The following ENPP6 variants were observed in gnomAD, a reference collection of about 807,000 sequenced individuals.
The protein encoded by ENPP6 is glycerophosphocholine cholinephosphodiesterase ENPP6.
Under a neutral mutation model 42.0 loss-of-function variants are expected in ENPP6, and 32 were observed. The ratio of observed to expected loss-of-function variants is 0.76; its 90% CI spans 0.58 to 1.02. The LOEUF is 1.02. Ranked by LOEUF, ENPP6 falls within the 50% of genes least tolerant of loss-of-function variation. ENPP6 has a pLI of 0.00. For missense variants in ENPP6, 552 were observed against 566.8 expected (o/e 0.97, Z 0.27); for synonymous variants, 213 against 216.0 (o/e 0.99, Z 0.12).
In ENPP6 at chr4:184,195,848, C is replaced by G. The variant is rs1165929061; in HGVS notation, c.241+21731G>C. ...TGTACACACAGAGTAATTTATTAAT[C>G]TTCCCCTAGGTTTAGCTTAGACTCT... is the stretch of plus-strand genomic sequence containing the variant. On this transcript the variant is annotated intron_variant, in intron 1 of 7. Transcript: ENST00000296741. Among the ~76,000 whole-genome samples, 3 of 152,236 alleles carry G rather than the reference C, an allele frequency of 2.0e-5. No individual in the cohort carries two copies. In the East Asian group the frequency reaches 5.8e-4, roughly 29 times the overall value.
intron 1 of ENPP6, among the ~76,000 whole-genome samples, chr4:184,189,142 T>C (rs575237081): frequency 1.2e-4 from 19 of 152,250 alleles, no homozygotes; most frequent in Non-Finnish European, 2.2e-4. Context: ...TAATAAATAG[T>C]TCCTCATGTA....
At chr4:184,129,232 T>A (rs955651434) in intron 2 of ENPP6, among the ~76,000 whole-genome samples, 1 of 151,020 alleles carries the variant, frequency 6.6e-6, no homozygotes, top group African/African-American at 2.4e-5. Flanking sequence ...TTTTGAAAAC[T>A]TTTTGTCTGT....
At chr4:184,132,304 T>G (rs878907522) in intron 2 of ENPP6, among the ~76,000 whole-genome samples, 1 of 152,200 alleles carries the variant, frequency 6.6e-6, no homozygotes, top group African/African-American at 2.4e-5. Flanking sequence ...CTTTTTTTTT[T>G]GCTACCAAGG....
intron 1 of ENPP6, among the ~76,000 whole-genome samples, chr4:184,205,460 C>T (rs952917071): frequency 3.9e-5 from 6 of 152,218 alleles, no homozygotes; most frequent in African/African-American, 9.6e-5. Context: ...TGCTCAAGCA[C>T]GCCCAGCGGG....
intron 7 of ENPP6, among the ~76,000 whole-genome samples, chr4:184,094,086 G>T (rs1432659602): frequency 6.6e-6 from 1 of 152,010 alleles, no homozygotes; most frequent in Non-Finnish European, 1.5e-5. Flanking sequence ...TGCAAGACCA[G>T]CCTGGGCAAT....
At chr4:184,133,382 T>G (rs919130797) in intron 2 of ENPP6, among the ~76,000 whole-genome samples, 1 of 152,224 alleles carries the variant, frequency 6.6e-6, no homozygotes, top group African/African-American at 2.4e-5. Context: ...CTTTCACGTA[T>G]TTGAATTTAC....
At chr4:184,100,605 G>T (rs116066843) in intron 6 of ENPP6, among the ~76,000 whole-genome samples, 158 of 152,306 alleles carry the variant, frequency 1.0e-3, no homozygotes, top group African/African-American at 3.7e-3. Context: ...TCCCACTGTA[G>T]GGTGGGCAGC....
intron 6 of ENPP6, among the ~76,000 whole-genome samples, chr4:184,111,174 C>T (rs935718329): frequency 2.1e-4 from 32 of 152,188 alleles, no homozygotes; most frequent in African/African-American, 7.5e-4. Context: ...CCCTACCACC[C>T]AGCCTCTCAG....
intron 2 of ENPP6, among the ~76,000 whole-genome samples, chr4:184,148,869 T>C (rs1193926939): frequency 6.6e-6 from 1 of 152,226 alleles, no homozygotes; most frequent in Admixed American, 6.5e-5. Context: ...GTCCTCAGCA[T>C]TGTAATCTCT....
intron 1 of ENPP6, among the ~76,000 whole-genome samples, chr4:184,176,262 C>T (rs940985869): frequency 2.6e-5 from 4 of 152,196 alleles, no homozygotes; most frequent in Admixed American, 6.5e-5. Flanking sequence ...TCGTCTTCAT[C>T]GTTACAGCTA....
At chr4:184,199,637 C>T (rs765720852) in intron 1 of ENPP6, among the ~76,000 whole-genome samples, 3 of 152,160 alleles carry the variant, frequency 2.0e-5, no homozygotes, top group Admixed American at 1.3e-4. Context: ...GTGTCTCCAC[C>T]GTGACATCCA....
chr4:184,135,950 T>C (rs924015276), intron 2 of ENPP6, among the ~76,000 whole-genome samples: 3 of 152,160 alleles, frequency 2.0e-5, no homozygotes, highest in Admixed American at 2.0e-4. Context: ...AAAATTAAAA[T>C]TTACATTTAA....
At chr4:184,199,581 G>A (rs913811203) in intron 1 of ENPP6, among the ~76,000 whole-genome samples, 8 of 152,194 alleles carry the variant, frequency 5.3e-5, no homozygotes, top group African/African-American at 1.7e-4. Context: ...TTCAGAACCT[G>A]GAAGGAGAGC....
chr4:184,217,536 G>A, intron 1 of ENPP6, 43 bp downstream of exon 1: 1 of 1,607,920 alleles, frequency 6.2e-7, no homozygotes, highest in Non-Finnish European at 8.5e-7. Flanking sequence ...CCTGCTGGAT[G>A]CCAGCCCTCC....
intron 1 of ENPP6, among the ~76,000 whole-genome samples, chr4:184,158,574 A>G (rs1214722088): frequency 6.6e-6 from 1 of 152,230 alleles, no homozygotes; most frequent in African/African-American, 2.4e-5. Flanking sequence ...ATTAAAGGGC[A>G]CTATCTCTTT....
At chr4:184,147,975 C>T (rs1736956785) in intron 2 of ENPP6, among the ~76,000 whole-genome samples, 1 of 152,306 alleles carries the variant, frequency 6.6e-6, no homozygotes, top group Non-Finnish European at 1.5e-5. Flanking sequence ...GGGTCTCCTT[C>T]CCACCTTACC....
At chr4:184,150,531 G>A (rs1251411223) in intron 2 of ENPP6, among the ~76,000 whole-genome samples, 1 of 152,222 alleles carries the variant, frequency 6.6e-6, no homozygotes, top group African/African-American at 2.4e-5. Context: ...AGACACATGA[G>A]TGCTCATTGG....
Position 184,091,300 on chromosome 4 carries a change from C to T in ENPP6, c.1200G>A (p.Pro400=), listed in dbSNP as rs771540187. Residue 400 remains proline (P), a synonymous_variant, in exon 8 of 8, where the codon CCG becomes CCA. Coordinates refer to ENST00000296741, the MANE Select transcript of ENPP6 (RefSeq NM_153343.4). The part of the protein sequence containing the change: ...NVMCNVVGIT[P]LPNNGSWSRV... ...TGGACCAGGATCCGTTGTTGGGCAGCGGGGTGATGCCCACCACATTGCACA... is the reference window on the plus strand; with the variant it reads ...TGGACCAGGATCCGTTGTTGGGCAGTGGGGTGATGCCCACCACATTGCACA... The T allele has an allele frequency of 1.2e-5, 20 of 1,613,836 alleles. No homozygotes were observed. The highest frequency in any genetic ancestry group is 1.6e-4 in the Middle Eastern group (1 of 6,080).
chr4:184,093,041 G>A (rs1329625799), intron 7 of ENPP6, among the ~76,000 whole-genome samples: 4 of 152,288 alleles, frequency 2.6e-5, no homozygotes, highest in Admixed American at 1.3e-4. Flanking sequence ...CAAATAGCAC[G>A]TTTTGCTCCC....
Sources: allele counts gnomAD v4.1 joint callset (sites outside exome capture counted in the v4.1 genomes callset), GRCh38; gene constraint gnomAD v4.1.1; transcripts MANE v1.5; gene names NCBI Gene and HGNC (gene_info 2026-07-23, HGNC 2026-07-21).